Variants in EBPL observed in about 807,000 individuals in gnomAD.
EBPL encodes emopamil-binding protein-like.
EBPL carries 20 observed loss-of-function variants against 19.0 expected under a neutral mutation model. The ratio of observed to expected loss-of-function variants is 1.05; its 90% CI spans 0.74 to 1.53. The LOEUF (loss-of-function observed/expected upper bound fraction) is 1.53, where lower values mean the gene tolerates loss of function less well. EBPL is among the 40% of genes most tolerant of loss of function. EBPL has a pLI of 0.00. For missense variants in EBPL, 219 were observed against 261.1 expected (o/e 0.84, Z 1.11); for synonymous variants, 107 against 117.0 (o/e 0.91, Z 0.55).
chr13:49,667,897 C>A (rs1395530174), intron 2 of EBPL, among the ~76,000 whole-genome samples: 1 of 152,216 alleles, frequency 6.6e-6, no homozygotes, highest in African/African-American at 2.4e-5. Context: ...TGCTTTCTCT[C>A]ATGCCAGGCA....
At chr13:49,680,088 G>A (rs893690606) in intron 1 of EBPL, among the ~76,000 whole-genome samples, 1 of 152,140 alleles carries the variant, frequency 6.6e-6, no homozygotes, top group Non-Finnish European at 1.5e-5. Flanking sequence ...CAGAGGGCCA[G>A]GTTGGTGGGA....
At chr13:49,670,103 T>C (rs1368641071) in intron 1 of EBPL, among the ~76,000 whole-genome samples, 1 of 152,242 alleles carries the variant, frequency 6.6e-6, no homozygotes, top group Non-Finnish European at 1.5e-5. Context: ...AAAGCAGAGA[T>C]GTGTTCTTAT....
chr13:49,690,752 C>T (rs1954053724), intron 1 of EBPL, among the ~76,000 whole-genome samples: 1 of 152,130 alleles, frequency 6.6e-6, no homozygotes, highest in African/African-American at 2.4e-5. Flanking sequence ...TTTATGGATG[C>T]TGTAAAGATC....
At chr13:49,667,910 G>A (rs958619727) in intron 2 of EBPL, among the ~76,000 whole-genome samples, 3 of 152,232 alleles carry the variant, frequency 2.0e-5, no homozygotes, top group Non-Finnish European at 4.4e-5. Context: ...GCCAGGCAGG[G>A]CAGCCAGGGG....
intron 1 of EBPL, among the ~76,000 whole-genome samples, chr13:49,679,468 C>G (rs1044455503): frequency 6.6e-6 from 1 of 152,138 alleles, no homozygotes; most frequent in Non-Finnish European, 1.5e-5. Context: ...AGGTGTCAGG[C>G]GTGATATGGT....
Position 49,691,342 on chromosome 13 carries a change from AGGGCGCAGCCCGCCGCCAGCAGC to A in EBPL, c.60_82del (p.Leu21GlyfsTer60). ...CTGCCCGCGGCCCAGGCGCAGGCCC[AGGGCGCAGCCCGCCGCCAGCAGC>A]GCGGCGCACAGCAGCAGCGAACCGC... On this transcript the variant is annotated frameshift_variant, in exon 1 of 4. Transcript: ENST00000242827. LOFTEE classifies it high-confidence loss of function. The A allele has an allele frequency of 7.3e-7, 1 of 1,366,182 alleles. No homozygotes were observed. Among genetic ancestry groups the A allele is most frequent in the Non-Finnish European group, 9.5e-7 (1 of 1,054,908 alleles). The allele number at this position is 1,366,182 out of a possible 1,614,324, so 84.6% of individuals were successfully genotyped here.
At chr13:49,688,372 T>C (rs574431529) in intron 1 of EBPL, among the ~76,000 whole-genome samples, 1 of 152,116 alleles carries the variant, frequency 6.6e-6, no homozygotes, top group African/African-American at 2.4e-5. Flanking sequence ...TCCAACAGGA[T>C]AGCTTTCAAT....
intron 1 of EBPL, among the ~76,000 whole-genome samples, chr13:49,689,061 T>A (rs1954032339): frequency 6.6e-6 from 1 of 152,174 alleles, no homozygotes. Flanking sequence ...ACATCCCAAT[T>A]TAGAGACATT....
Position 49,664,641 on chromosome 13 carries a change from T to G in EBPL, c.242-1446A>C, listed in dbSNP as rs570830285. On this transcript the variant is annotated intron_variant, in intron 2 of 3. Transcript: ENST00000242827. ...AATGATTACAGTGAAAAAATGGAAG[T>G]GATCACACCTCGTCTCCCCCTTTAA... Among the ~76,000 whole-genome samples the G allele has an allele frequency of 5.3e-5, 8 of 152,252 alleles. No individual in the cohort carries two copies. In the South Asian group the frequency reaches 1.7e-3, roughly 31 times the overall value.
intron 3 of EBPL, chr13:49,661,939 AAAGG>A (rs1429006881): frequency 6.5e-7 from 1 of 1,547,848 alleles, no homozygotes; most frequent in African/African-American, 1.4e-5. Flanking sequence ...TAAGGAAAGA[AAAGG>A]AAGGAAGGGA....
intron 1 of EBPL, among the ~76,000 whole-genome samples, chr13:49,671,111 A>G (rs542555998): frequency 1.3e-5 from 2 of 152,284 alleles, no homozygotes; most frequent in African/African-American, 4.8e-5. Flanking sequence ...GTGTCATTTA[A>G]GGATAATGCT....
At chr13:49,682,823 C>T (rs1469081460) in intron 1 of EBPL, among the ~76,000 whole-genome samples, 7 of 152,254 alleles carry the variant, frequency 4.6e-5, no homozygotes, top group Admixed American at 2.0e-4. Flanking sequence ...AGCTGGTCAT[C>T]GGGAAAGCTG....
intron 1 of EBPL, among the ~76,000 whole-genome samples, chr13:49,687,417 C>T (rs1198117182): frequency 6.6e-6 from 1 of 152,186 alleles, no homozygotes; most frequent in Non-Finnish European, 1.5e-5. Context: ...CCTTTCCAAT[C>T]CAACCTGCAC....
At position 49,691,265 on chromosome 13, in the gene EBPL, G is replaced by A; in HGVS notation, c.160C>T (p.His54Tyr). The change falls in exon 1 of 4, where the codon CAC becomes TAC. Residue 54 changes from histidine to tyrosine, a missense_variant. By Grantham distance (83) the His-to-Tyr change is moderately conservative (BLOSUM62 2). Coordinates refer to ENST00000242827, the MANE Select transcript of EBPL (RefSeq NM_032565.5). ...GCGATGGCACTTACCAGCGCGAAGTGCACCAGCGCGTCGTAGCAGAGCCAG... is the reference window on the plus strand; with the variant it reads ...GCGATGGCACTTACCAGCGCGAAGTACACCAGCGCGTCGTAGCAGAGCCAG... The part of the protein sequence containing the change: ...LIWLCYDALV[H>Y]FALEGPFVYL... 1 of 1,398,458 alleles carries A rather than the reference G, an allele frequency of 7.2e-7. No homozygotes were observed. Among genetic ancestry groups the A allele is most frequent in the Non-Finnish European group, 9.3e-7 (1 of 1,072,540 alleles). The allele number at this position is 1,398,458 out of a possible 1,614,324, so 86.6% of individuals were successfully genotyped here.
chr13:49,668,344 T>A (rs112026688), intron 2 of EBPL: 1 of 217,552 alleles, frequency 4.6e-6, no homozygotes, highest in African/African-American at 2.4e-5. Flanking sequence ...GAGGCCGAGG[T>A]GGGCAGATCA....
At chr13:49,680,848 CA>C (rs750663808) in intron 1 of EBPL, among the ~76,000 whole-genome samples, 4 of 150,704 alleles carry the variant, frequency 2.7e-5, no homozygotes, top group South Asian at 4.2e-4. Flanking sequence ...ACAAAACAAA[CA>C]AAAAAAATAT....
chr13:49,684,023 A>G (rs568823826), intron 1 of EBPL, among the ~76,000 whole-genome samples: 23 of 152,354 alleles, frequency 1.5e-4, no homozygotes, highest in Admixed American at 2.6e-4. Context: ...AAGACTATGT[A>G]TGTATGATTT....
intron 1 of EBPL, among the ~76,000 whole-genome samples, chr13:49,673,557 C>T (rs1396416278): frequency 6.6e-6 from 1 of 152,188 alleles, no homozygotes; most frequent in East Asian, 1.9e-4. Context: ...TTGCCTTAGC[C>T]TCCCAAGTAG....
rs369218152 is a variant in EBPL at position 49,662,983 on chromosome 13, C to T, written c.380+74G>A. 5 of 1,579,886 alleles carry T rather than the reference C, an allele frequency of 3.2e-6. No homozygotes were observed. The South Asian group carries it at 4.5e-5, about 14-fold the overall frequency. On this transcript the variant is annotated intron_variant, in intron 3 of 3. Coordinates refer to ENST00000242827, the MANE Select transcript of EBPL (RefSeq NM_032565.5). ...AACAAATATATGTGGTCACAACCTA[C>T]TCCAAAGGTCACCTAAGTGTTGGGA...
Sources: allele counts gnomAD v4.1 joint callset (sites outside exome capture counted in the v4.1 genomes callset), GRCh38; gene constraint gnomAD v4.1.1; transcripts MANE v1.5; gene names NCBI Gene and HGNC (gene_info 2026-07-23, HGNC 2026-07-21).